Variants in PXDN observed in about 807,000 individuals in gnomAD.
PXDN encodes the protein peroxidasin.
PXDN carries 77 observed loss-of-function variants against 140.3 expected under a neutral mutation model. That is an observed-to-expected ratio of 0.55 (90% CI 0.46 to 0.66). The LOEUF (loss-of-function observed/expected upper bound fraction) is 0.66, where lower values mean the gene tolerates loss of function less well. Among genes scored for constraint, PXDN ranks in the 30% least tolerant of loss-of-function variants. The pLI is 0.00. For missense variants in PXDN, 1,838 were observed against 2,039.5 expected (o/e 0.90, Z 1.90); for synonymous variants, 911 against 857.4 (o/e 1.06, Z -1.09).
At chr2:1,686,436 CT>C (rs148015194) in intron 4 of PXDN, among the ~76,000 whole-genome samples, 1,896 of 152,208 alleles carry the variant, frequency 0.012, 17 homozygotes, top group African/African-American at 0.016. Flanking sequence ...CTGACTTGCC[CT>C]TTCCTTCCTT....
In PXDN at chr2:1,725,888, C is replaced by A. The variant is rs374611862; in HGVS notation, c.200+18368G>T. On this transcript the variant is annotated intron_variant, in intron 1 of 22. Transcript: ENST00000252804. Reference sequence around the variant, plus strand: ...CAAAACCACAATGAGATACCATCTCCCACCAGTTAGAATGGCAATCATTAA... The same window carrying A: ...CAAAACCACAATGAGATACCATCTCACACCAGTTAGAATGGCAATCATTAA... Among the ~76,000 whole-genome samples, 50 of 151,910 alleles carry A rather than the reference C, an allele frequency of 3.3e-4. No individual in the cohort carries two copies. The South Asian group carries it at 3.3e-3, about 10-fold the overall frequency.
rs3811613 is a variant in PXDN at position 1,648,888 on chromosome 2, G to A, written c.2892C>T (p.Asn964=). The A allele has an allele frequency of 0.29, 459,917 of 1,601,446 alleles. 67,217 individuals carry two copies. The highest frequency in any genetic ancestry group is 0.33 in the Middle Eastern group (2,023 of 6,048). ...GPPTECMRDE[N]ESPIPCFLAG... ...CCAGGAAGCAGGGGATGGGGCTCTC[G>A]TTCTCGTCCCGCATGCACTCCGTGG... Residue 964 remains asparagine, a synonymous_variant, in exon 17 of 23, where the codon AAC becomes AAT. Transcript: ENST00000252804. This position sits in a 1 kb window ranked among gnomAD's most constrained non-coding sequence, Gnocchi z 8.9.
intron 1 of PXDN, among the ~76,000 whole-genome samples, chr2:1,717,632 A>G (rs1684924921): frequency 6.6e-6 from 1 of 152,168 alleles, no homozygotes; most frequent in African/African-American, 2.4e-5. Context: ...CAGAATCACA[A>G]AATAGCTGAT....
At chr2:1,681,923 G>C (rs907211166) in intron 6 of PXDN, among the ~76,000 whole-genome samples, 1 of 152,258 alleles carries the variant, frequency 6.6e-6, no homozygotes, top group South Asian at 2.1e-4. Flanking sequence ...CTATTCAGGA[G>C]GTCTAGAGAG....
chr2:1,700,639 G>A (rs759545427), intron 1 of PXDN, among the ~76,000 whole-genome samples: 16 of 151,852 alleles, frequency 1.1e-4, no homozygotes, highest in Non-Finnish European at 1.6e-4. Context: ...AGTGGGAGGC[G>A]GAGGTGGGTG....
intron 1 of PXDN, among the ~76,000 whole-genome samples, chr2:1,738,816 G>C (rs1053375373): frequency 3.3e-5 from 5 of 152,126 alleles, no homozygotes; most frequent in African/African-American, 1.2e-4. Flanking sequence ...CAAAGTGCTG[G>C]GATTACAGCC....
intron 1 of PXDN, among the ~76,000 whole-genome samples, chr2:1,731,021 G>A (rs1395157823): frequency 6.6e-6 from 1 of 152,124 alleles, no homozygotes; most frequent in Non-Finnish European, 1.5e-5. Flanking sequence ...TTGGGAGGTG[G>A]TAAAATCACT....
chr2:1,698,346 T>C (rs181004977), intron 1 of PXDN, among the ~76,000 whole-genome samples: 159 of 152,058 alleles, frequency 1.0e-3, no homozygotes, highest in African/African-American at 3.6e-3. Flanking sequence ...TTGGAGAAGA[T>C]CGGTGCATAC....
chr2:1,657,258 T>G (rs1483610661), intron 14 of PXDN, among the ~76,000 whole-genome samples: 2 of 142,890 alleles, frequency 1.4e-5, no homozygotes, highest in Non-Finnish European at 3.1e-5. Context: ...ACCTTCAGAC[T>G]GGGAACAGCC....
In PXDN at chr2:1,666,342, C is replaced by G. The variant is rs778748288; in HGVS notation, c.1163G>C (p.Arg388Pro). The G allele has an allele frequency of 6.2e-7, 1 of 1,614,042 alleles. No homozygotes were observed. Among genetic ancestry groups the G allele is most frequent in the Non-Finnish European group, 8.5e-7 (1 of 1,179,906 alleles). ...GDRTPLPVDPRVNITPSGGLY... is the reference protein window; with the variant it reads ...GDRTPLPVDPPVNITPSGGLY... ...CCCGCCAGAAGGCGTGATGTTCACC[C>G]GCGGGTCAACTGGCAAGGGTGTGCG... is the stretch of plus-strand genomic sequence containing the variant. Residue 388 changes from arginine (R) to proline (P), a missense_variant, in exon 10 of 23, where the codon CGG becomes CCG. Arg to Pro is a moderately radical substitution (Grantham distance 103, BLOSUM62 -2). Transcript: ENST00000252804.
intron 1 of PXDN, among the ~76,000 whole-genome samples, chr2:1,713,609 C>T (rs1684831671): frequency 1.3e-5 from 2 of 152,330 alleles, no homozygotes; most frequent in Non-Finnish European, 2.9e-5. Context: ...CCAGGGTGGC[C>T]GCATAGGGGC....
In PXDN at chr2:1,738,871, T is replaced by C. The variant is rs560833564; in HGVS notation, c.200+5385A>G. Reference sequence around the variant, plus strand: ...CTGATCTTCCAACTCTTACCCAGCTTTGAGATTCATGACGTCTGCCCTGCA... The same window carrying C: ...CTGATCTTCCAACTCTTACCCAGCTCTGAGATTCATGACGTCTGCCCTGCA... On this transcript the variant is annotated intron_variant, in intron 1 of 22. Coordinates refer to ENST00000252804, the MANE Select transcript of PXDN (RefSeq NM_012293.3). Among the ~76,000 whole-genome samples, 3 of 152,328 alleles carry C rather than the reference T, an allele frequency of 2.0e-5. No individual in the cohort carries two copies. The South Asian group carries it at 6.2e-4, about 32-fold the overall frequency.
intron 1 of PXDN, among the ~76,000 whole-genome samples, chr2:1,730,965 A>G (rs1338823102): frequency 6.6e-6 from 1 of 152,162 alleles, no homozygotes; most frequent in Non-Finnish European, 1.5e-5. Context: ...GAGAGTTTTA[A>G]AACTATCTGT....
Position 1,709,048 on chromosome 2 carries a change from C to T in PXDN, c.201-15914G>A, listed in dbSNP as rs1479507013. 9.2e-5 allele frequency among the ~76,000 whole-genome samples: 14 copies of T among 152,326 alleles called. No homozygotes were observed. In the South Asian group the frequency reaches 2.1e-3, roughly 23 times the overall value. On this transcript the variant is annotated intron_variant, in intron 1 of 22. Coordinates refer to ENST00000252804, the MANE Select transcript of PXDN (RefSeq NM_012293.3). The stretch of plus-strand genomic sequence containing the variant: ...TTCACCGCGGGAGGGAGCTGGTGGC[C>T]GGTCTTCCCCACGGGAGCCAGGCTC...
intron 1 of PXDN, among the ~76,000 whole-genome samples, chr2:1,710,565 CAGCACCCTCTCCACT>C (rs1684730397): frequency 7.8e-5 from 10 of 127,498 alleles, no homozygotes; most frequent in East Asian, 2.5e-4. Context: ...CACTCTCCAC[CAGCACCCTCTCCACT>C]AGCACCCTCT....
chr2:1,639,565 G>T lies in PXDN; in HGVS notation c.3953-143C>A. 1 of 1,236,334 alleles carries T rather than the reference G, an allele frequency of 8.1e-7. No individual in the cohort carries two copies. The highest frequency in any genetic ancestry group is 1.1e-6 in the Non-Finnish European group (1 of 879,466). The allele number at this position is 1,236,334 out of a possible 1,614,324, so 76.6% of individuals were successfully genotyped here. On this transcript the variant is annotated intron_variant, in intron 19 of 22. Transcript: ENST00000252804. This position sits in a 1 kb window ranked among gnomAD's most constrained non-coding sequence, Gnocchi z 5.0. Reference sequence around the variant, plus strand: ...ATTTCAGTGAGGCAACCTGGCAGCTGGTCTGCGGCTCTTACCCTCTCCTGG... The same window carrying T: ...ATTTCAGTGAGGCAACCTGGCAGCTTGTCTGCGGCTCTTACCCTCTCCTGG...
At chr2:1,669,035 G>T (rs1683513792) in intron 9 of PXDN, among the ~76,000 whole-genome samples, 1 of 152,158 alleles carries the variant, frequency 6.6e-6, no homozygotes, top group Admixed American at 6.5e-5. Context: ...CAATAGCAAA[G>T]ACTTGGAACC....
chr2:1,689,523 C>G (rs923442949), intron 3 of PXDN, among the ~76,000 whole-genome samples: 1 of 152,168 alleles, frequency 6.6e-6, no homozygotes, highest in Non-Finnish European at 1.5e-5. Flanking sequence ...TGGCTCATGC[C>G]TGTAATCTCA....
intron 6 of PXDN, among the ~76,000 whole-genome samples, chr2:1,681,975 G>C (rs1313586239): frequency 2.6e-5 from 4 of 152,232 alleles, no homozygotes; most frequent in African/African-American, 9.7e-5. Context: ...GGGCCCCTCA[G>C]GGATGTGAGG....
Sources: allele counts gnomAD v4.1 joint callset (sites outside exome capture counted in the v4.1 genomes callset), GRCh38; gene constraint gnomAD v4.1.1; non-coding constraint Gnocchi (gnomAD v3.1); transcripts MANE v1.5; gene names NCBI Gene and HGNC (gene_info 2026-07-23, HGNC 2026-07-21).